Variants in ZDHHC20 observed in about 807,000 individuals in gnomAD.
The protein encoded by ZDHHC20 is palmitoyltransferase ZDHHC20.
ZDHHC20 carries 43 observed loss-of-function variants against 57.8 expected under a neutral mutation model. The observed-to-expected ratio is 0.74, with a 90% CI of 0.58 to 0.96. ZDHHC20 has a LOEUF of 0.96. ZDHHC20 is among the 40% of genes least tolerant of loss of function. ZDHHC20 has a pLI of 0.00. For synonymous variants in ZDHHC20, 157 were observed against 153.0 expected, an observed-to-expected ratio of 1.03 and a Z score of -0.19; for missense variants, 391 against 441.1, an observed-to-expected ratio of 0.89 and a Z score of 1.02.
chr13:21,411,011 C>A (rs1410907202), intron 4 of ZDHHC20, among the ~76,000 whole-genome samples: 2 of 152,234 alleles, frequency 1.3e-5, no homozygotes. Flanking sequence ...AGGGAATCTC[C>A]TGGTCTGTGG....
At chr13:21,407,605 T>C (rs1405740319) in intron 4 of ZDHHC20, among the ~76,000 whole-genome samples, 1 of 152,228 alleles carries the variant, frequency 6.6e-6, no homozygotes, top group Non-Finnish European at 1.5e-5. Flanking sequence ...TTTCTTTTGC[T>C]GTGCAGAAGC....
At chr13:21,393,319 G>A (rs887159517) in intron 7 of ZDHHC20, among the ~76,000 whole-genome samples, 3 of 151,912 alleles carry the variant, frequency 2.0e-5, no homozygotes, top group African/African-American at 4.8e-5. Context: ...TGGCCAACAT[G>A]GTGAAACCCT....
chr13:21,389,623 T>C (rs1012508782), intron 8 of ZDHHC20, among the ~76,000 whole-genome samples: 5 of 152,130 alleles, frequency 3.3e-5, no homozygotes, highest in Admixed American at 1.3e-4. Flanking sequence ...TCCCTAGAAA[T>C]GCCAATCTCT....
chr13:21,401,761 T>C (rs1566079602), intron 5 of ZDHHC20, 76 bp from the exon 6 acceptor site: 3 of 1,362,304 alleles, frequency 2.2e-6, no homozygotes, highest in Non-Finnish European at 2.9e-6. Flanking sequence ...TTTTCTTTTA[T>C]TTGACTTAAA....
intron 1 of ZDHHC20, among the ~76,000 whole-genome samples, chr13:21,428,036 A>G (rs1224019393): frequency 6.6e-6 from 1 of 151,960 alleles, no homozygotes; most frequent in Non-Finnish European, 1.5e-5. Flanking sequence ...TCCTGGAGGT[A>G]GAGGACATGA....
intron 8 of ZDHHC20, among the ~76,000 whole-genome samples, chr13:21,389,383 C>T (rs1875215223): frequency 6.6e-6 from 1 of 152,142 alleles, no homozygotes; most frequent in South Asian, 2.1e-4. Flanking sequence ...ACATAATCAA[C>T]TGAGTGACTT....
chr13:21,430,940 T>G (rs1814608010), intron 1 of ZDHHC20, among the ~76,000 whole-genome samples: 1 of 152,186 alleles, frequency 6.6e-6, no homozygotes, highest in South Asian at 2.1e-4. Context: ...CTCTATTTCA[T>G]CTTGTCTCAG....
At chr13:21,449,244 T>C (rs1043566096) in intron 1 of ZDHHC20, among the ~76,000 whole-genome samples, 2 of 152,066 alleles carry the variant, frequency 1.3e-5, no homozygotes, top group Non-Finnish European at 2.9e-5. Flanking sequence ...AATAAATAAA[T>C]AAAAATAAAC....
At chr13:21,376,900 C>A in intron 12 of ZDHHC20, 1 of 259,092 alleles carries the variant, frequency 3.9e-6, no homozygotes, top group Admixed American at 5.6e-5. Flanking sequence ...TACTCCCAGA[C>A]TGCTAACTTG....
In ZDHHC20 at chr13:21,450,531, G is replaced by A. The variant is rs1039885388; in HGVS notation, c.118+8523C>T. ...CTCTCTCAGACCAGTATGCTATCTGGTAACACAGAAAATAATACCAGGACA... is the reference window on the plus strand; with the variant it reads ...CTCTCTCAGACCAGTATGCTATCTGATAACACAGAAAATAATACCAGGACA... On this transcript the variant is annotated intron_variant, in intron 1 of 12. Transcript: ENST00000400590. Among the ~76,000 whole-genome samples the A allele has an allele frequency of 2.6e-5, 4 of 152,118 alleles. No individual in the cohort carries two copies. In the East Asian group the frequency reaches 7.7e-4, roughly 29 times the overall value.
intron 1 of ZDHHC20, among the ~76,000 whole-genome samples, chr13:21,458,705 C>G (rs1226740334): frequency 6.6e-6 from 1 of 152,226 alleles, no homozygotes. Context: ...CAAACACAAC[C>G]TAAACCTTCT....
At chr13:21,410,844 TCAACC>T (rs1417444838) in intron 4 of ZDHHC20, among the ~76,000 whole-genome samples, 3 of 152,114 alleles carry the variant, frequency 2.0e-5, no homozygotes, top group Non-Finnish European at 4.4e-5. Context: ...CTCCCTAGCT[TCAACC>T]CCCTTTCCAG....
intron 1 of ZDHHC20, among the ~76,000 whole-genome samples, chr13:21,437,129 A>G (rs1882635288): frequency 6.6e-6 from 1 of 152,222 alleles, no homozygotes; most frequent in African/African-American, 2.4e-5. Flanking sequence ...ACTCAGAGCA[A>G]AGTCCTAACT....
intron 1 of ZDHHC20, among the ~76,000 whole-genome samples, chr13:21,431,917 A>G (rs1398207320): frequency 2.0e-5 from 3 of 152,168 alleles, no homozygotes; most frequent in African/African-American, 7.2e-5. Context: ...TATTTTTAAC[A>G]GTGTCTTTTG....
intron 1 of ZDHHC20, among the ~76,000 whole-genome samples, chr13:21,444,117 C>G (rs1337427274): frequency 6.6e-6 from 1 of 152,168 alleles, no homozygotes; most frequent in Non-Finnish European, 1.5e-5. Context: ...GATTGTGCCA[C>G]TGCACTCTAC....
At chr13:21,452,966 C>T (rs1884595283) in intron 1 of ZDHHC20, among the ~76,000 whole-genome samples, 1 of 152,160 alleles carries the variant, frequency 6.6e-6, no homozygotes, top group African/African-American at 2.4e-5. Flanking sequence ...AAATGATAGA[C>T]TTAAGCCTAT....
chr13:21,387,764 A>T, intron 8 of ZDHHC20, 130 bp from the exon 9 acceptor site: 1 of 450,042 alleles, frequency 2.2e-6, no homozygotes, highest in Non-Finnish European at 3.7e-6. Flanking sequence ...TAAATAATAC[A>T]TTAGTAGCAA....
At position 21,407,382 on chromosome 13, in the gene ZDHHC20, T is replaced by TA. The variant is rs1878593049; in HGVS notation, c.371-4517_371-4516insT. Among the ~76,000 whole-genome samples, 9 of 152,340 alleles carry TA rather than the reference T, an allele frequency of 5.9e-5. No individual in the cohort carries two copies. In the South Asian group the frequency reaches 1.9e-3, roughly 32 times the overall value. On this transcript the variant is annotated intron_variant, in intron 4 of 12. Coordinates refer to ENST00000400590, the MANE Select transcript of ZDHHC20 (RefSeq NM_001330059.2). Reference sequence around the variant, plus strand: ...TGATTTGCATTTCTCTAATGACCAGTGATAATGAGCTTTTTAAAATATGTT... The same window carrying TA: ...TGATTTGCATTTCTCTAATGACCAGTAGATAATGAGCTTTTTAAAATATGTT...
At chr13:21,397,522 C>A (rs1245692142) in intron 7 of ZDHHC20, among the ~76,000 whole-genome samples, 2 of 151,798 alleles carry the variant, frequency 1.3e-5, no homozygotes, top group Admixed American at 1.3e-4. Flanking sequence ...ATTAGCCGGG[C>A]ATGGTGGTGC....
Sources: allele counts gnomAD v4.1 joint callset (sites outside exome capture counted in the v4.1 genomes callset), GRCh38; gene constraint gnomAD v4.1.1; transcripts MANE v1.5; gene names NCBI Gene and HGNC (gene_info 2026-07-23, HGNC 2026-07-21).